Variants in CSMD1 observed in about 807,000 individuals in gnomAD.
CSMD1 encodes CUB and Sushi multiple domains 1.
A neutral mutation model predicts 417.5 loss-of-function variants in CSMD1; 213 were observed. The ratio of observed to expected loss-of-function variants is 0.51; its 90% confidence interval spans 0.46 to 0.57. The LOEUF (loss-of-function observed/expected upper bound fraction) is 0.57, where lower values mean the gene tolerates loss of function less well. Ranked by LOEUF, CSMD1 falls within the 20% of genes least tolerant of loss-of-function variation. CSMD1 has a pLI of 0.00. For synonymous variants in CSMD1, 2,862 were observed against 1,736.8 expected, an observed-to-expected ratio of 1.65 and a Z score of -16.11; for missense variants, 6,923 against 4,529.7, an observed-to-expected ratio of 1.53 and a Z score of -15.17.
intron 3 of CSMD1, among the ~76,000 whole-genome samples, chr8:4,173,456 G>C (rs1171125865): frequency 6.6e-6 from 1 of 152,110 alleles, no homozygotes; most frequent in Non-Finnish European, 1.5e-5. Context: ...CTGAAGCACA[G>C]AAGAAGAGAT....
chr8:4,007,645 G>T lies in CSMD1; in HGVS notation c.611-9535C>A, dbSNP rs533663037. On this transcript the variant is annotated intron_variant, in intron 4 of 69. Coordinates refer to ENST00000635120, the MANE Select transcript of CSMD1 (RefSeq NM_033225.6). Reference sequence around the variant, plus strand: ...TTGCACTTGCGTGCACCTGTTCCTAGGAGGCGGCCTGATAGAAGTATTCTT... The same window carrying T: ...TTGCACTTGCGTGCACCTGTTCCTATGAGGCGGCCTGATAGAAGTATTCTT... 2.6e-5 allele frequency among the ~76,000 whole-genome samples: 4 copies of T among 152,212 alleles called. No homozygotes were observed. In the East Asian group the frequency reaches 7.7e-4, roughly 29 times the overall value.
intron 5 of CSMD1, among the ~76,000 whole-genome samples, chr8:3,901,755 G>C (rs1413677642): frequency 6.6e-6 from 1 of 152,216 alleles, no homozygotes; most frequent in Non-Finnish European, 1.5e-5. Flanking sequence ...TTTTCGATGT[G>C]ACAAGCCAAC....
chr8:4,860,205 G>A (rs1400800192), intron 1 of CSMD1, among the ~76,000 whole-genome samples: 1 of 133,254 alleles, frequency 7.5e-6, no homozygotes, highest in Non-Finnish European at 1.5e-5. Context: ...GGTGGGAACT[G>A]AACAAGGAGA....
intron 28 of CSMD1, among the ~76,000 whole-genome samples, chr8:3,221,936 C>T (rs567074345): frequency 8.5e-5 from 13 of 152,236 alleles, no homozygotes; most frequent in Middle Eastern, 3.4e-3. Context: ...TGCCATCATC[C>T]TGACACTGCA....
chr8:4,846,707 T>G (rs930314164), intron 1 of CSMD1, among the ~76,000 whole-genome samples: 62 of 152,342 alleles, frequency 4.1e-4, no homozygotes, highest in African/African-American at 1.4e-3. Context: ...TTGGTCCCAT[T>G]TTAGATTAAA....
chr8:4,511,449 C>A (rs1238752595), intron 2 of CSMD1, among the ~76,000 whole-genome samples: 1 of 152,168 alleles, frequency 6.6e-6, no homozygotes, highest in African/African-American at 2.4e-5. Flanking sequence ...TTTTAAAAAG[C>A]AGAATACAGT....
chr8:3,260,039 C>T (rs950673667), intron 26 of CSMD1, among the ~76,000 whole-genome samples: 2 of 152,128 alleles, frequency 1.3e-5, no homozygotes, highest in Admixed American at 6.6e-5. Context: ...AAAAGGTTTG[C>T]TCCTCCCCGG....
intron 1 of CSMD1, among the ~76,000 whole-genome samples, chr8:4,970,237 G>A (rs1005729275): frequency 1.3e-5 from 2 of 152,068 alleles, no homozygotes; most frequent in Non-Finnish European, 2.9e-5. Flanking sequence ...ATTCACTTTG[G>A]GAGCTGAGTA....
intron 23 of CSMD1, among the ~76,000 whole-genome samples, chr8:3,318,602 T>C (rs1805940122): frequency 6.6e-6 from 1 of 152,258 alleles, no homozygotes; most frequent in Non-Finnish European, 1.5e-5. Flanking sequence ...GACACAATGC[T>C]GTGTTTCAAT....
At chr8:3,945,861 T>A (rs1811187957) in intron 5 of CSMD1, among the ~76,000 whole-genome samples, 1 of 152,078 alleles carries the variant, frequency 6.6e-6, no homozygotes. Flanking sequence ...AGTGAATCAT[T>A]ATTCCAGAAA....
At chr8:3,590,900 G>C (rs1405398516) in intron 8 of CSMD1, among the ~76,000 whole-genome samples, 4 of 152,052 alleles carry the variant, frequency 2.6e-5, no homozygotes, top group Non-Finnish European at 4.4e-5. Flanking sequence ...GTGTGCTTTC[G>C]ATGTCGAATA....
chr8:3,972,126 C>T (rs35901751), intron 5 of CSMD1, among the ~76,000 whole-genome samples: 8,573 of 152,078 alleles, frequency 0.056, 358 homozygotes, highest in East Asian at 0.14. Context: ...CTGCCTGGGA[C>T]GGCGAAAGTG....
At chr8:4,082,044 C>G (rs1304825021) in intron 3 of CSMD1, among the ~76,000 whole-genome samples, 2 of 151,762 alleles carry the variant, frequency 1.3e-5, no homozygotes, top group Non-Finnish European at 2.9e-5. Context: ...TTAGGAAAGC[C>G]AAAGGCATTT....
intron 1 of CSMD1, among the ~76,000 whole-genome samples, chr8:4,704,698 T>G (rs1366237762): frequency 2.6e-5 from 4 of 152,256 alleles, no homozygotes; most frequent in Non-Finnish European, 4.4e-5. Flanking sequence ...TTTGTTTGTT[T>G]GCTTGTGTGC....
chr8:3,275,882 C>G (rs113741939), intron 26 of CSMD1, among the ~76,000 whole-genome samples: 2 of 151,866 alleles, frequency 1.3e-5, no homozygotes, highest in Non-Finnish European at 2.9e-5. Flanking sequence ...GAATGTCCTC[C>G]TGTAGCTCAG....
intron 5 of CSMD1, among the ~76,000 whole-genome samples, chr8:3,855,556 C>T (rs1804240863): frequency 6.6e-6 from 1 of 152,132 alleles, no homozygotes; most frequent in African/African-American, 2.4e-5. Context: ...ATGAGTTTAA[C>T]AGAAATACTG....
intron 36 of CSMD1, 52 bp downstream of exon 36, chr8:3,187,817 T>A: frequency 7.6e-7 from 1 of 1,322,408 alleles, no homozygotes; most frequent in Non-Finnish European, 1.1e-6. Context: ...GTTGTTTTCT[T>A]GGTGTTTGCA....
intron 20 of CSMD1, 105 bp from the exon 21 acceptor site, chr8:3,359,445 C>G: frequency 1.4e-6 from 1 of 736,862 alleles, no homozygotes; most frequent in South Asian, 2.1e-5. Context: ...AAAAAAAAAC[C>G]TACATATATA....
chr8:3,970,961 G>C (rs1813043341), intron 5 of CSMD1, among the ~76,000 whole-genome samples: 1 of 152,040 alleles, frequency 6.6e-6, no homozygotes, highest in South Asian at 2.1e-4. Flanking sequence ...ATGTTGGCCG[G>C]GCTGGTCTCG....
Sources: gnomAD v4.1 joint callset for allele counts (sites outside exome capture counted in the v4.1 genomes callset) on GRCh38, gnomAD v4.1.1 for gene constraint, MANE v1.5 for transcripts, NCBI Gene and HGNC (gene_info 2026-07-23, HGNC 2026-07-21) for gene names.